Variants in ERBB4 observed in about 807,000 individuals in gnomAD.
ERBB4 encodes the protein receptor tyrosine-protein kinase erbB-4.
Under a neutral mutation model 158.0 loss-of-function variants are expected in ERBB4, and 42 were observed. The ratio of observed to expected loss-of-function variants is 0.27; its 90% CI spans 0.21 to 0.34. ERBB4 has a LOEUF of 0.34. Ranked by LOEUF, ERBB4 falls within the 10% of genes least tolerant of loss-of-function variation. ERBB4 has a pLI of 1.00. For missense variants in ERBB4, 1,333 were observed against 1,624.1 expected (o/e 0.82, Z 3.08); for synonymous variants, 583 against 558.7 (o/e 1.04, Z -0.61).
At chr2:211,657,446 T>G (rs1469025413) in intron 16 of ERBB4, among the ~76,000 whole-genome samples, 1 of 151,278 alleles carries the variant, frequency 6.6e-6, no homozygotes, top group Non-Finnish European at 1.5e-5. Flanking sequence ...GAGGTGGAGG[T>G]TGCAGTGAGC....
chr2:212,433,124 A>T (rs2105947722), intron 1 of ERBB4, among the ~76,000 whole-genome samples: 1 of 152,206 alleles, frequency 6.6e-6, no homozygotes, highest in Admixed American at 6.6e-5. Context: ...ATGCATTCTT[A>T]AAGCACAATA....
At chr2:211,489,114 A>G (rs1218839822) in intron 20 of ERBB4, among the ~76,000 whole-genome samples, 1 of 152,100 alleles carries the variant, frequency 6.6e-6, no homozygotes, top group Non-Finnish European at 1.5e-5. Flanking sequence ...AGAATCAACA[A>G]GATATTTTGT....
chr2:212,175,504 G>T (rs2081637273), intron 1 of ERBB4, among the ~76,000 whole-genome samples: 1 of 151,752 alleles, frequency 6.6e-6, no homozygotes, highest in Non-Finnish European at 1.5e-5. Flanking sequence ...CAAGAACAGA[G>T]AATTTAAATA....
intron 2 of ERBB4, among the ~76,000 whole-genome samples, chr2:212,054,880 A>G (rs1357191465): frequency 6.6e-6 from 1 of 152,204 alleles, no homozygotes; most frequent in African/African-American, 2.4e-5. Context: ...TGAGCAATGC[A>G]GAAGATGGGT....
At chr2:212,488,290 T>C (rs1418220005) in intron 1 of ERBB4, among the ~76,000 whole-genome samples, 1 of 151,136 alleles carries the variant, frequency 6.6e-6, no homozygotes, top group East Asian at 1.9e-4. Flanking sequence ...TTCCTACCTA[T>C]TTTCACTTTT....
At chr2:211,433,474 G>A (rs756741787) in intron 20 of ERBB4, among the ~76,000 whole-genome samples, 70 of 152,080 alleles carry the variant, frequency 4.6e-4, no homozygotes, top group African/African-American at 7.5e-4. Context: ...CCAGCTACTC[G>A]GGAGGCTGAG....
intron 4 of ERBB4, among the ~76,000 whole-genome samples, chr2:211,786,184 G>T (rs1417696184): frequency 6.6e-6 from 1 of 152,060 alleles, no homozygotes; most frequent in African/African-American, 2.4e-5. Flanking sequence ...TTGAGTGATT[G>T]GTTGGTGGTA....
intron 1 of ERBB4, among the ~76,000 whole-genome samples, chr2:212,489,939 T>C (rs1280307151): frequency 6.6e-6 from 1 of 151,822 alleles, no homozygotes; most frequent in Non-Finnish European, 1.5e-5. Flanking sequence ...GAGTTGTCTT[T>C]TACTACTTCC....
In ERBB4 at chr2:211,431,062, C is replaced by T. The variant is rs1192493267; in HGVS notation, c.2526G>A (p.Arg842=). ...MYLEERRLVH[R]DLAARNVLVK... ...CTAAGACATTACGGGCTGCCAAATC[C>T]CGATGAACGAGTCGTCTTTCTTCCA... is the stretch of plus-strand genomic sequence containing the variant. The change falls in exon 21 of 28, where the codon CGG becomes CGA. Residue 842 remains arginine, a synonymous_variant. Coordinates refer to ENST00000342788, the MANE Select transcript of ERBB4 (RefSeq NM_005235.3). 2.5e-6 allele frequency: 4 copies of T among 1,613,916 alleles called. No individual in the cohort carries two copies. In the South Asian group the frequency reaches 4.4e-5, roughly 18 times the overall value.
intron 5 of ERBB4, among the ~76,000 whole-genome samples, chr2:211,736,485 G>A (rs2074605399): frequency 6.6e-6 from 1 of 152,146 alleles, no homozygotes; most frequent in African/African-American, 2.4e-5. Context: ...CAATCTGAAA[G>A]CATTGTCTTA....
intron 1 of ERBB4, among the ~76,000 whole-genome samples, chr2:212,493,911 G>T (rs1185021790): frequency 2.0e-5 from 3 of 151,768 alleles, no homozygotes; most frequent in East Asian, 3.9e-4. Flanking sequence ...ACAAAGAAAT[G>T]AGTATTATTA....
intron 5 of ERBB4, among the ~76,000 whole-genome samples, chr2:211,728,173 T>C (rs2074325789): frequency 6.6e-6 from 1 of 151,812 alleles, no homozygotes; most frequent in African/African-American, 2.4e-5. Flanking sequence ...TCTTCTTTTT[T>C]CTCTCTCTTT....
intron 20 of ERBB4, among the ~76,000 whole-genome samples, chr2:211,511,166 T>C (rs1341117920): frequency 1.3e-5 from 2 of 151,934 alleles, no homozygotes; most frequent in African/African-American, 4.8e-5. Context: ...TGGAATGCAC[T>C]GTAATTTAAA....
At chr2:211,726,548 T>C in intron 5 of ERBB4, among the ~76,000 whole-genome samples, 1 of 152,208 alleles carries the variant, frequency 6.6e-6, no homozygotes, top group Non-Finnish European at 1.5e-5. Flanking sequence ...TTCTGTCTCC[T>C]ATCCTCTTAT....
At chr2:211,409,567 C>A (rs1293837891) in intron 25 of ERBB4, among the ~76,000 whole-genome samples, 1 of 152,176 alleles carries the variant, frequency 6.6e-6, no homozygotes, top group Non-Finnish European at 1.5e-5. Flanking sequence ...TCCTCCTAAT[C>A]ATTAACTCTT....
At chr2:211,766,170 A>G (rs2106253580) in intron 4 of ERBB4, among the ~76,000 whole-genome samples, 1 of 152,258 alleles carries the variant, frequency 6.6e-6, no homozygotes, top group South Asian at 2.1e-4. Context: ...ACAATTGGCA[A>G]AAGAATCACC....
chr2:211,933,579 A>C (rs184981908), intron 3 of ERBB4, among the ~76,000 whole-genome samples: 1 of 152,208 alleles, frequency 6.6e-6, no homozygotes, highest in Admixed American at 6.5e-5. Context: ...CTAAACATAT[A>C]TAGATTGGCA....
chr2:211,854,013 C>A (rs1235113262), intron 3 of ERBB4, among the ~76,000 whole-genome samples: 1 of 152,060 alleles, frequency 6.6e-6, no homozygotes, highest in African/African-American at 2.4e-5. Flanking sequence ...ACCATTTGAA[C>A]ATTTACCTCC....
At chr2:211,747,888 A>T (rs1575089496) in intron 5 of ERBB4, among the ~76,000 whole-genome samples, 3 of 151,898 alleles carry the variant, frequency 2.0e-5, no homozygotes, top group East Asian at 3.9e-4. Flanking sequence ...GACCCCCATA[A>T]ATACCAAACT....
Sources: gnomAD v4.1 joint callset for allele counts (sites outside exome capture counted in the v4.1 genomes callset) on GRCh38, gnomAD v4.1.1 for gene constraint, MANE v1.5 for transcripts, NCBI Gene and HGNC (gene_info 2026-07-23, HGNC 2026-07-21) for gene names.